Variants in ERGIC1 observed in about 807,000 individuals in gnomAD.
The protein encoded by ERGIC1 is endoplasmic reticulum-Golgi intermediate compartment protein 1.
Under a neutral mutation model 38.3 loss-of-function variants are expected in ERGIC1, and 19 were observed. The observed-to-expected ratio is 0.50, with a 90% CI of 0.35 to 0.73. The LOEUF (loss-of-function observed/expected upper bound fraction) is 0.73. Among genes scored for constraint, ERGIC1 ranks in the 30% least tolerant of loss-of-function variants. ERGIC1 has a pLI of 0.01. For missense variants in ERGIC1, 294 were observed against 389.2 expected, an observed-to-expected ratio of 0.76 and a Z score of 2.06; for synonymous variants, 124 against 157.6, an observed-to-expected ratio of 0.79 and a Z score of 1.60.
At position 172,926,953 on chromosome 5, in the gene ERGIC1, T is replaced by G; in HGVS notation, c.541+384T>G. The G allele has an allele frequency of 4.5e-6, 1 of 224,186 alleles. No homozygotes were observed. 13.9% of individuals were successfully genotyped at this position (224,186 alleles called of 1,614,324 possible). Reference sequence around the variant, plus strand: ...CCAGGTCGCACCGTGAGAACAGGTCTGTGGGTGGCCCAGTCAGCTGTGACC... The same window carrying G: ...CCAGGTCGCACCGTGAGAACAGGTCGGTGGGTGGCCCAGTCAGCTGTGACC... On this transcript the variant is annotated intron_variant, in intron 7 of 9. Coordinates refer to ENST00000393784, the MANE Select transcript of ERGIC1 (RefSeq NM_001031711.3). The surrounding 1 kb of genome is among the most constrained non-coding windows in gnomAD (Gnocchi z 5.2).
At chr5:172,863,440 C>T (rs1339684062) in intron 1 of ERGIC1, among the ~76,000 whole-genome samples, 1 of 152,218 alleles carries the variant, frequency 6.6e-6, no homozygotes, top group Non-Finnish European at 1.5e-5. Flanking sequence ...AGGTACACCA[C>T]TGCGCAGCCT....
chr5:172,939,754 G>A (rs1763968130), intron 9 of ERGIC1, among the ~76,000 whole-genome samples: 1 of 152,250 alleles, frequency 6.6e-6, no homozygotes, highest in African/African-American at 2.4e-5. Flanking sequence ...CGTGGGGTCA[G>A]CTCTGAAGGA....
chr5:172,904,209 T>TA (rs1363879581), intron 3 of ERGIC1, among the ~76,000 whole-genome samples: 3 of 152,210 alleles, frequency 2.0e-5, no homozygotes, highest in Non-Finnish European at 4.4e-5. Flanking sequence ...ATACAAATAT[T>TA]AAGGTAGAGG....
intron 1 of ERGIC1, among the ~76,000 whole-genome samples, chr5:172,883,560 T>C (rs898118528): frequency 6.6e-6 from 1 of 152,176 alleles, no homozygotes; most frequent in African/African-American, 2.4e-5. Context: ...CATTGTTAGA[T>C]TGAAGCTGTA....
At chr5:172,887,049 G>T (rs1350971110) in intron 1 of ERGIC1, among the ~76,000 whole-genome samples, 2 of 152,184 alleles carry the variant, frequency 1.3e-5, no homozygotes, top group Non-Finnish European at 2.9e-5. Context: ...TTGGCAGCCC[G>T]CAGGAATTTT....
At chr5:172,860,835 T>C (rs1431619305) in intron 1 of ERGIC1, among the ~76,000 whole-genome samples, 1 of 152,154 alleles carries the variant, frequency 6.6e-6, no homozygotes, top group Non-Finnish European at 1.5e-5. Context: ...CACAAAAACA[T>C]ATTCCATAGC....
chr5:172,883,327 C>T (rs1191796203), intron 1 of ERGIC1, among the ~76,000 whole-genome samples: 1 of 152,138 alleles, frequency 6.6e-6, no homozygotes, highest in African/African-American at 2.4e-5. Flanking sequence ...GCAGATCGTA[C>T]TCAACTTTCT....
chr5:172,933,541 G>A (rs1026337715), intron 8 of ERGIC1: 8 of 152,200 alleles, frequency 5.3e-5, no homozygotes, highest in South Asian at 2.1e-4. Context: ...ATCACCTCAC[G>A]CCTCGGTCTG....
chr5:172,893,629 T>A (rs754712093), intron 2 of ERGIC1, among the ~76,000 whole-genome samples: 1 of 151,730 alleles, frequency 6.6e-6, no homozygotes, highest in Admixed American at 6.6e-5. Flanking sequence ...TAGCCTCAGT[T>A]TGCGGGTGAG....
At chr5:172,838,334 A>G (rs1761081767) in intron 1 of ERGIC1, among the ~76,000 whole-genome samples, 3 of 152,182 alleles carry the variant, frequency 2.0e-5, no homozygotes, top group Admixed American at 2.0e-4. Context: ...CATTCAGCCA[A>G]GCATGGACCC....
At chr5:172,939,870 G>T (rs1037889050) in intron 9 of ERGIC1, among the ~76,000 whole-genome samples, 1 of 151,862 alleles carries the variant, frequency 6.6e-6, no homozygotes, top group Admixed American at 6.5e-5. Flanking sequence ...AGACACACAC[G>T]TACACACACG....
chr5:172,848,354 CAAAG>C (rs746449652), intron 1 of ERGIC1, among the ~76,000 whole-genome samples: 1 of 152,090 alleles, frequency 6.6e-6, no homozygotes, highest in Non-Finnish European at 1.5e-5. Context: ...AGAAGGAAGG[CAAAG>C]TAGATGGGGC....
chr5:172,924,245 A>G (rs1011271842), intron 6 of ERGIC1, 136 bp downstream of exon 6: 42 of 838,568 alleles, frequency 5.0e-5, no homozygotes, highest in Non-Finnish European at 8.1e-5. Flanking sequence ...TGGAAGGGTA[A>G]GAAGGGTTTC....
intron 2 of ERGIC1, among the ~76,000 whole-genome samples, chr5:172,890,175 G>A (rs1334773996): frequency 2.0e-5 from 3 of 152,194 alleles, no homozygotes; most frequent in Non-Finnish European, 4.4e-5. Flanking sequence ...GAGGCATCTT[G>A]CCTCCATGGG....
At chr5:172,907,691 G>C (rs748844210) in intron 3 of ERGIC1, among the ~76,000 whole-genome samples, 1 of 152,112 alleles carries the variant, frequency 6.6e-6, no homozygotes, top group African/African-American at 2.4e-5. Flanking sequence ...TGATGCCTAC[G>C]CATCCCCCAG....
chr5:172,834,510 C>T lies in ERGIC1; in HGVS notation c.20+77C>T. On this transcript the variant is annotated intron_variant, in intron 1 of 9. Coordinates refer to ENST00000393784, the MANE Select transcript of ERGIC1 (RefSeq NM_001031711.3). This position sits in a 1 kb window ranked among gnomAD's most constrained non-coding sequence, Gnocchi z 4.1. ...GCGCCCCGGCACGCCGCGGACCCCT[C>T]CCGCCCTGCATGCAAAAGCGGCTCC... 14 of 1,239,862 alleles carry T rather than the reference C, an allele frequency of 1.1e-5. No homozygotes were observed. The highest frequency in any genetic ancestry group is 1.4e-5 in the Non-Finnish European group (14 of 986,230). 76.8% of individuals were successfully genotyped at this position (1,239,862 alleles called of 1,614,324 possible).
chr5:172,939,503 C>T (rs1198282233), intron 9 of ERGIC1, among the ~76,000 whole-genome samples: 2 of 152,256 alleles, frequency 1.3e-5, no homozygotes, highest in Admixed American at 1.3e-4. Flanking sequence ...GCAGGAGGCT[C>T]CAAGAAGCCA....
chr5:172,891,327 G>A (rs981857480), intron 2 of ERGIC1, among the ~76,000 whole-genome samples: 5 of 152,072 alleles, frequency 3.3e-5, no homozygotes, highest in East Asian at 1.9e-4. Flanking sequence ...CATTCCTACC[G>A]TCCACCAGTG....
At chr5:172,877,444 A>C (rs866661959) in intron 1 of ERGIC1, among the ~76,000 whole-genome samples, 1 of 121,462 alleles carries the variant, frequency 8.2e-6, no homozygotes, top group South Asian at 2.6e-4. Flanking sequence ...GTGTGTGTAT[A>C]TATATATATA....
Sources: gnomAD v4.1 joint callset for allele counts (sites outside exome capture counted in the v4.1 genomes callset) on GRCh38, gnomAD v4.1.1 for gene constraint, Gnocchi (gnomAD v3.1) non-coding constraint, MANE v1.5 for transcripts, NCBI Gene and HGNC (gene_info 2026-07-23, HGNC 2026-07-21) for gene names.